The following ZNF610 variants were observed in gnomAD, a reference collection of about 807,000 sequenced individuals.
ZNF610 encodes zinc finger protein 610, also known as zink finger protein.
A neutral mutation model predicts 14.1 loss-of-function variants in ZNF610; 14 were observed. The ratio of observed to expected loss-of-function variants is 0.99; its 90% CI spans 0.65 to 1.55. The LOEUF (loss-of-function observed/expected upper bound fraction) is 1.55. ZNF610 is among the 40% of genes most tolerant of loss of function. The pLI is 0.00. For synonymous variants in ZNF610, 185 were observed against 187.6 expected (o/e 0.99, Z 0.11); for missense variants, 530 against 558.0 (o/e 0.95, Z 0.51).
At position 52,366,653 on chromosome 19, in the gene ZNF610, G is replaced by A. The variant is rs1986092106; in HGVS notation, c.1275G>A (p.Glu425=). The change falls in exon 6 of 6, where the codon GAG becomes GAA. Residue 425 remains glutamate (E), a synonymous_variant. Coordinates refer to ENST00000403906, the MANE Select transcript of ZNF610 (RefSeq NM_001161425.2). ...ACCATCAGAGAATTCATACTGGAGAGAGACCTTACAAGTGTAATGCATGTG... is the reference window on the plus strand; with the variant it reads ...ACCATCAGAGAATTCATACTGGAGAAAGACCTTACAAGTGTAATGCATGTG... ...LTNHQRIHTG[E]RPYKCNACGK... 6.2e-7 allele frequency: 1 copy of A among 1,613,988 alleles called. No individual in the cohort carries two copies. Among genetic ancestry groups the A allele is most frequent in the Non-Finnish European group, 8.5e-7 (1 of 1,180,016 alleles).
intron 1 of ZNF610, among the ~76,000 whole-genome samples, chr19:52,340,673 T>TATTATC (rs1697136557): frequency 7.0e-6 from 1 of 143,758 alleles, no homozygotes; most frequent in African/African-American, 2.5e-5. Flanking sequence ...TCTAGGAAAT[T>TATTATC]ATTATTATTA....
intron 1 of ZNF610, among the ~76,000 whole-genome samples, chr19:52,345,904 C>T (rs1360496627): frequency 2.6e-5 from 4 of 151,130 alleles, no homozygotes; most frequent in South Asian, 2.1e-4. Flanking sequence ...CGGGGTTTCA[C>T]CATGTTAGCC....
At chr19:52,355,327 C>T (rs1985472842) in intron 5 of ZNF610, among the ~76,000 whole-genome samples, 1 of 152,182 alleles carries the variant, frequency 6.6e-6, no homozygotes, top group East Asian at 1.9e-4. Flanking sequence ...AATGAGAGAA[C>T]ATGAGCTACT....
chr19:52,333,645 G>A (rs975720337), upstream of ZNF610, among the ~76,000 whole-genome samples: 6 of 152,230 alleles, frequency 3.9e-5, no homozygotes, highest in African/African-American at 1.4e-4. Flanking sequence ...TGAAGGGAGA[G>A]AGATTACAGA....
At chr19:52,334,936 A>ACACAC (rs1984299564), upstream of ZNF610, among the ~76,000 whole-genome samples, 1 of 41,536 alleles carries the variant, frequency 2.4e-5, no homozygotes, top group African/African-American at 9.8e-5. Flanking sequence ...CTCAAAAACA[A>ACACAC]ACACACACAC....
rs1985726665 is a variant in ZNF610, at chr19:52,360,537, CT to C, written c.320-5157del. ...ATTTCAACACTGAGTATGATGTTAC[CT>C]TTTGGCTTTTTATATAAGGCTTCTG... On this transcript the variant is annotated intron_variant, in intron 5 of 5. Coordinates refer to ENST00000403906, the MANE Select transcript of ZNF610 (RefSeq NM_001161425.2). 2.6e-5 allele frequency among the ~76,000 whole-genome samples: 4 copies of C among 152,112 alleles called. No homozygotes were observed. The South Asian group carries it at 8.3e-4, about 32-fold the overall frequency.
upstream of ZNF610, among the ~76,000 whole-genome samples, chr19:52,334,854 G>C (rs948083473): frequency 6.6e-6 from 1 of 150,932 alleles, no homozygotes; most frequent in African/African-American, 2.4e-5. Context: ...GCTTGAACCG[G>C]GGAGGCAGAG....
At chr19:52,357,961 T>G (rs1182231285) in intron 5 of ZNF610, among the ~76,000 whole-genome samples, 2 of 152,194 alleles carry the variant, frequency 1.3e-5, no homozygotes, top group African/African-American at 4.8e-5. Flanking sequence ...CTCACCTTCC[T>G]GTCAGCCTCG....
chr19:52,353,323 T>G (rs570406976), intron 3 of ZNF610, among the ~76,000 whole-genome samples: 2 of 152,350 alleles, frequency 1.3e-5, no homozygotes, highest in South Asian at 4.1e-4. Context: ...ATAAACTCCA[T>G]TGGGCTTTTG....
At chr19:52,363,674 A>G (rs1444936639) in intron 5 of ZNF610, among the ~76,000 whole-genome samples, 2 of 152,178 alleles carry the variant, frequency 1.3e-5, no homozygotes, top group African/African-American at 4.8e-5. Flanking sequence ...ATTTTAATAT[A>G]GACACCTCTG....
intron 1 of ZNF610, among the ~76,000 whole-genome samples, chr19:52,337,777 TGAA>T (rs1188694679): frequency 6.6e-6 from 1 of 152,206 alleles, no homozygotes; most frequent in East Asian, 1.9e-4. Context: ...AAAGTACAGA[TGAA>T]GATGAGACTT....
At position 52,367,412 on chromosome 19, in the gene ZNF610, A is replaced by G. The variant is rs1354040902; in HGVS notation, c.*645A>G. 6.6e-6 allele frequency: 1 copy of G among 152,298 alleles called. No individual in the cohort carries two copies. The highest frequency in any genetic ancestry group is 1.5e-5 in the Non-Finnish European group (1 of 68,080). The allele number at this position is 152,298 out of a possible 1,614,324, so 9.4% of individuals were successfully genotyped here. A position where few individuals can be genotyped will look rare whatever the true frequency, so the allele number is the denominator to read the frequency against. Reference sequence around the variant, plus strand: ...AGTGCTGGGATTATAGGTGTGAGCCACAGCGCCCGGCCTAGTTTAAATTTT... The same window carrying G: ...AGTGCTGGGATTATAGGTGTGAGCCGCAGCGCCCGGCCTAGTTTAAATTTT... On this transcript the variant is annotated 3_prime_UTR_variant, in exon 6 of 6. Transcript: ENST00000403906.
intron 1 of ZNF610, among the ~76,000 whole-genome samples, chr19:52,343,517 A>C (rs1279700801): frequency 6.6e-6 from 1 of 151,926 alleles, no homozygotes; most frequent in Admixed American, 6.6e-5. Context: ...CAGCGAGCCG[A>C]TATCATGCTA....
chr19:52,366,269 T>C lies in ZNF610; in HGVS notation c.891T>C (p.Phe297=), dbSNP rs760869195. ...PHKCNECGKA[F]RECSGLTTHL... Reference sequence around the variant, plus strand: ...AATGTAACGAATGTGGCAAAGCTTTTAGAGAGTGTTCGGGACTTACTACCC... The same window carrying C: ...AATGTAACGAATGTGGCAAAGCTTTCAGAGAGTGTTCGGGACTTACTACCC... The change falls in exon 6 of 6, where the codon TTT becomes TTC. Residue 297 remains phenylalanine, a synonymous_variant. Coordinates refer to ENST00000403906, the MANE Select transcript of ZNF610 (RefSeq NM_001161425.2). The C allele has an allele frequency of 6.2e-7, 1 of 1,613,280 alleles. No homozygotes were observed. Among genetic ancestry groups the C allele is most frequent in the Non-Finnish European group, 8.5e-7 (1 of 1,179,380 alleles).
Position 52,366,398 on chromosome 19 carries a change from G to A in ZNF610, c.1020G>A (p.Ala340=), listed in dbSNP as rs536573339. 1.8e-5 allele frequency: 29 copies of A among 1,611,728 alleles called. No individual in the cohort carries two copies. The highest frequency in any genetic ancestry group is 1.1e-4 in the East Asian group (5 of 44,608). Residue 340 remains alanine (A), a synonymous_variant, in exon 6 of 6, where the codon GCG becomes GCA. Coordinates refer to ENST00000403906, the MANE Select transcript of ZNF610 (RefSeq NM_001161425.2). ...CCAATCATCAGAGAAGTCACACGGC[G>A]GAAAAACCTTACAAATGTAATGAAT... ...SLTNHQRSHT[A]EKPYKCNECG... is the part of the protein sequence containing the mutation.
At chr19:52,336,863 G>A (rs1984410179) in intron 1 of ZNF610, among the ~76,000 whole-genome samples, 1 of 152,158 alleles carries the variant, frequency 6.6e-6, no homozygotes, top group Non-Finnish European at 1.5e-5. Flanking sequence ...AGGATTCTTC[G>A]TCCCAAATTC....
In ZNF610 at chr19:52,349,161, T is replaced by G; in HGVS notation, c.-12T>G. On this transcript the variant is annotated 5_prime_UTR_variant, in exon 3 of 6. Transcript: ENST00000403906. ...TGTATTTTTGACATTTAGGATTGAC[T>G]TATAAACAGTCATGCTATGTGATGA... 1 of 1,612,900 alleles carries G rather than the reference T, an allele frequency of 6.2e-7. No individual in the cohort carries two copies.
At position 52,366,140 on chromosome 19, in the gene ZNF610, T is replaced by C. The variant is rs759748504; in HGVS notation, c.762T>C (p.His254=). 1.2e-6 allele frequency: 2 copies of C among 1,613,860 alleles called. No individual in the cohort carries two copies. Among genetic ancestry groups the C allele is most frequent in the Non-Finnish European group, 1.7e-6 (2 of 1,179,860 alleles). ...ACCTTGTAGAACATTGGAGAATTCA[T>C]ACTGGACAGAAGCCTTACAAATGTA... ...NSHLVEHWRI[H]TGQKPYKCSE... is the part of the protein sequence containing the mutation. Residue 254 remains histidine (H), a synonymous_variant, in exon 6 of 6, where the codon CAT becomes CAC. Transcript: ENST00000403906.
intron 5 of ZNF610, among the ~76,000 whole-genome samples, chr19:52,356,316 C>T (rs1316623436): frequency 7.9e-5 from 12 of 152,144 alleles, no homozygotes; most frequent in Admixed American, 7.9e-4. Flanking sequence ...GTATTCGATC[C>T]CTAGGTCCCC....
Sources: allele counts gnomAD v4.1 joint callset (sites outside exome capture counted in the v4.1 genomes callset), GRCh38; gene constraint gnomAD v4.1.1; transcripts MANE v1.5; gene names NCBI Gene and HGNC (gene_info 2026-07-23, HGNC 2026-07-21).